Variants in CLEC16A observed in about 807,000 individuals in gnomAD.
CLEC16A encodes protein CLEC16A.
CLEC16A carries 51 observed loss-of-function variants against 109.5 expected under a neutral mutation model. The observed-to-expected ratio is 0.47, with a 90% CI of 0.37 to 0.59. CLEC16A has a LOEUF of 0.59. Among genes scored for constraint, CLEC16A ranks in the 20% least tolerant of loss-of-function variants. The probability of loss-of-function intolerance (pLI) is 0.00; values close to 1 mark genes in which losing one functional copy is unlikely to be tolerated. For missense variants in CLEC16A, 1,339 were observed against 1,394.0 expected, an observed-to-expected ratio of 0.96 and a Z score of 0.63; for synonymous variants, 673 against 564.2, an observed-to-expected ratio of 1.19 and a Z score of -2.73.
In CLEC16A at chr16:11,179,449, G is replaced by T. The variant is rs1379787854; in HGVS notation, c.*759G>T. 1 of 152,232 alleles carries T rather than the reference G, an allele frequency of 6.6e-6. No homozygotes were observed. Among genetic ancestry groups the T allele is most frequent in the Non-Finnish European group, 1.5e-5 (1 of 68,050 alleles). The allele number at this position is 152,232 out of a possible 1,614,324, so 9.4% of individuals were successfully genotyped here. On this transcript the variant is annotated 3_prime_UTR_variant, in exon 24 of 24. Transcript: ENST00000409790. ...ATACATGTATTCTCAGGTACACACAGAGCTGAGAGGGCTGAATGGTTTTCT... is the reference window on the plus strand; with the variant it reads ...ATACATGTATTCTCAGGTACACACATAGCTGAGAGGGCTGAATGGTTTTCT...
intron 13 of CLEC16A, among the ~76,000 whole-genome samples, chr16:11,031,041 T>C (rs947897027): frequency 2.0e-5 from 3 of 152,206 alleles, no homozygotes; most frequent in African/African-American, 7.2e-5. Flanking sequence ...TCCATGAGGT[T>C]CCTGTGGCAC....
At position 11,174,147 on chromosome 16, in the gene CLEC16A, C is replaced by T. The variant is rs1409203882; in HGVS notation, c.2807-4188C>T. ...TTCTATGATCTGTCGCTGTGTTTTC[C>T]CTCTAGTCAGGAGTGGCAGGAAAGG... On this transcript the variant is annotated intron_variant, in intron 23 of 23. Transcript: ENST00000409790. The surrounding 1 kb of genome is among the most constrained non-coding windows in gnomAD (Gnocchi z 4.7). The T allele has an allele frequency of 6.4e-6, 3 of 469,664 alleles. No individual in the cohort carries two copies. Among genetic ancestry groups the T allele is most frequent in the Admixed American group, 2.4e-5 (1 of 42,504 alleles). 29.1% of individuals were successfully genotyped at this position (469,664 alleles called of 1,614,324 possible).
intron 10 of CLEC16A, among the ~76,000 whole-genome samples, chr16:10,995,387 G>A (rs1179790514): frequency 1.3e-5 from 2 of 152,222 alleles, no homozygotes; most frequent in Non-Finnish European, 2.9e-5. Flanking sequence ...CCTGGCGCCT[G>A]AGGCCGGAGA....
intron 19 of CLEC16A, among the ~76,000 whole-genome samples, chr16:11,071,328 T>C (rs775442872): frequency 2.6e-4 from 39 of 152,086 alleles, no homozygotes; most frequent in Non-Finnish European, 5.3e-4. Context: ...AGAAAGACAA[T>C]GAAAAACAAA....
At chr16:11,090,625 G>C (rs2050249385) in intron 19 of CLEC16A, among the ~76,000 whole-genome samples, 2 of 151,978 alleles carry the variant, frequency 1.3e-5, no homozygotes. Context: ...AGGCTCTCTG[G>C]ATTTTTGTTT....
intron 22 of CLEC16A, among the ~76,000 whole-genome samples, chr16:11,144,103 G>C (rs748420609): frequency 2.0e-5 from 3 of 152,100 alleles, no homozygotes; most frequent in South Asian, 4.1e-4. Flanking sequence ...CCTGTCGCTC[G>C]GCACTTTCTC....
At chr16:11,151,980 T>A (rs953516505) in intron 22 of CLEC16A, among the ~76,000 whole-genome samples, 3 of 152,030 alleles carry the variant, frequency 2.0e-5, no homozygotes, top group African/African-American at 7.3e-5. Context: ...AGCAAAGGAA[T>A]CTCTCAGAGA....
Position 11,179,531 on chromosome 16 carries a change from A to T in CLEC16A, c.*841A>T, listed in dbSNP as rs2068893559. ...AAAGATTTCTCCAGGAAAAGGAGGA[A>T]TGTAGCCAGCTCCCCACTCAGGACG... On this transcript the variant is annotated 3_prime_UTR_variant, in exon 24 of 24. Coordinates refer to ENST00000409790, the MANE Select transcript of CLEC16A (RefSeq NM_015226.3). 6.6e-6 allele frequency: 1 copy of T among 152,214 alleles called. No homozygotes were observed. The highest frequency in any genetic ancestry group is 2.1e-4 in the South Asian group (1 of 4,828). The allele number at this position is 152,214 out of a possible 1,614,324, so 9.4% of individuals were successfully genotyped here.
At chr16:11,168,860 T>G (rs1322510890) in intron 23 of CLEC16A, among the ~76,000 whole-genome samples, 1 of 152,252 alleles carries the variant, frequency 6.6e-6, no homozygotes, top group Non-Finnish European at 1.5e-5. Context: ...TGCCAGTTGC[T>G]TGATTTGACA....
At chr16:10,975,561 G>T (rs929368228) in intron 7 of CLEC16A, among the ~76,000 whole-genome samples, 1 of 152,132 alleles carries the variant, frequency 6.6e-6, no homozygotes. Flanking sequence ...AAATGTTCTA[G>T]GTCTCAGGCG....
At chr16:11,070,203 T>A (rs1247596453) in intron 19 of CLEC16A, among the ~76,000 whole-genome samples, 1 of 152,106 alleles carries the variant, frequency 6.6e-6, no homozygotes, top group Admixed American at 6.5e-5. Context: ...CCCGAGTAGC[T>A]GGGACTACAG....
chr16:10,999,857 C>T (rs116516133), intron 10 of CLEC16A, among the ~76,000 whole-genome samples: 1,930 of 152,150 alleles, frequency 0.013, 42 homozygotes, highest in African/African-American at 0.044. Flanking sequence ...TATTTTGAGA[C>T]GGAGTCTCAC....
At chr16:10,991,720 C>T (rs2044027099) in intron 10 of CLEC16A, among the ~76,000 whole-genome samples, 1 of 152,218 alleles carries the variant, frequency 6.6e-6, no homozygotes. Flanking sequence ...GAATCAAACA[C>T]ATATCTCTAA....
In CLEC16A at chr16:11,174,289, CT is replaced by C. The variant is rs1257108133; in HGVS notation, c.2807-4045del. 1 of 453,402 alleles carries C rather than the reference CT, an allele frequency of 2.2e-6. No homozygotes were observed. Among genetic ancestry groups the C allele is most frequent in the East Asian group, 7.1e-5 (1 of 14,092 alleles). The allele number at this position is 453,402 out of a possible 1,614,324, so 28.1% of individuals were successfully genotyped here. A position where few individuals can be genotyped will look rare whatever the true frequency, so the allele number is the denominator to read the frequency against. ...CACAGTCAATTCAGGCAGGTCTCCC[CT>C]GTGAGCCGCTCGGGCCGCGACGTCC... On this transcript the variant is annotated intron_variant, in intron 23 of 23. Transcript: ENST00000409790. This position sits in a 1 kb window ranked among gnomAD's most constrained non-coding sequence, Gnocchi z 4.7.
At chr16:11,124,601 G>A (rs369716897) in intron 21 of CLEC16A, among the ~76,000 whole-genome samples, 65 of 152,314 alleles carry the variant, frequency 4.3e-4, no homozygotes, top group Non-Finnish European at 5.3e-4. Context: ...AGGGAGATGC[G>A]TTCATTGGGC....
At chr16:11,049,999 G>A (rs745556477) in intron 17 of CLEC16A, among the ~76,000 whole-genome samples, 9 of 152,242 alleles carry the variant, frequency 5.9e-5, no homozygotes, top group Non-Finnish European at 1.2e-4. Flanking sequence ...GGGTGTCTCA[G>A]TATGTTTTCT....
rs530175330 is a variant in CLEC16A at position 11,034,723 on chromosome 16, C to T, written c.1538-5031C>T. ...AATGAGCTAGTGCTCCCGTGAAGTG[C>T]AGCAGGGTTTCTTTGGAATTTGTCT... On this transcript the variant is annotated intron_variant, in intron 13 of 23. Transcript: ENST00000409790. Among the ~76,000 whole-genome samples, 23 of 152,186 alleles carry T rather than the reference C, an allele frequency of 1.5e-4. 1 individual carries two copies. The highest frequency in any genetic ancestry group is 1.2e-3 in the Admixed American group (18 of 15,282).
intron 22 of CLEC16A, among the ~76,000 whole-genome samples, chr16:11,162,041 C>G (rs952647629): frequency 6.6e-6 from 1 of 152,232 alleles, no homozygotes; most frequent in Non-Finnish European, 1.5e-5. Flanking sequence ...ACCTGGGGTT[C>G]TGACTCCAAG....
rs561416620 is a variant in CLEC16A at position 11,037,797 on chromosome 16, C to T, written c.1538-1957C>T. On this transcript the variant is annotated intron_variant, in intron 13 of 23. Coordinates refer to ENST00000409790, the MANE Select transcript of CLEC16A (RefSeq NM_015226.3). The stretch of plus-strand genomic sequence containing the variant: ...TTCCCCACCCCCACCCCCACCCCCA[C>T]CCCCAGAACCACTGACTGGCAGTTC... 1.1e-3 allele frequency among the ~76,000 whole-genome samples: 156 copies of T among 144,808 alleles called. 1 individual carries two copies. Among genetic ancestry groups the T allele is most frequent in the Middle Eastern group, 7.0e-3 (2 of 286 alleles). 95.0% of individuals were successfully genotyped at this position (144,808 alleles called of 152,430 possible). A position where few individuals can be genotyped will look rare whatever the true frequency, so the allele number is the denominator to read the frequency against.
Sources: gnomAD v4.1 joint callset for allele counts (sites outside exome capture counted in the v4.1 genomes callset) on GRCh38, gnomAD v4.1.1 for gene constraint, Gnocchi (gnomAD v3.1) non-coding constraint, MANE v1.5 for transcripts, NCBI Gene and HGNC (gene_info 2026-07-23, HGNC 2026-07-21) for gene names.